IMMT: variants seen among roughly 807,000 people sequenced by gnomAD.
IMMT encodes the protein MICOS complex subunit MIC60.
In IMMT, 40 loss-of-function variants were observed where a neutral mutation model predicts 92.7. The ratio of observed to expected loss-of-function variants is 0.43; its 90% confidence interval spans 0.34 to 0.56. The LOEUF (loss-of-function observed/expected upper bound fraction) is 0.56. Among genes scored for constraint, IMMT ranks in the 20% least tolerant of loss-of-function variants. The pLI is 0.03. For synonymous variants in IMMT, 322 were observed against 336.1 expected (o/e 0.96, Z 0.46); for missense variants, 831 against 912.1 (o/e 0.91, Z 1.14).
chr2:86,166,053 C>G (rs1463538232), intron 7 of IMMT, among the ~76,000 whole-genome samples: 1 of 152,150 alleles, frequency 6.6e-6, no homozygotes, highest in Admixed American at 6.5e-5. Context: ...ACTCTAAGGC[C>G]AAGCACAGTG....
At chr2:86,193,056 CTAGAG>C (rs1418374411) in intron 1 of IMMT, 3 of 153,130 alleles carry the variant, frequency 2.0e-5, no homozygotes, top group African/African-American at 4.8e-5. Flanking sequence ...CTATTCCCTC[CTAGAG>C]TAAAGAATGG....
At position 86,146,162 on chromosome 2, in the gene IMMT, T is replaced by C; in HGVS notation, c.1569A>G (p.Gln523=). 1.2e-6 allele frequency: 2 copies of C among 1,609,974 alleles called. No individual in the cohort carries two copies. Among genetic ancestry groups the C allele is most frequent in the Non-Finnish European group, 1.7e-6 (2 of 1,177,278 alleles). The change falls in exon 14 of 15, where the codon CAA becomes CAG. Residue 523 remains glutamine, a synonymous_variant. Coordinates refer to ENST00000410111, the MANE Select transcript of IMMT (RefSeq NM_006839.3). ...CTTGCTCTTGACTGAGACGACGAAA[T>C]TGTAATTCTTGTTCAGAGAGTTTCT... ...LSEKLSEQEL[Q]FRRLSQEQVD... is the part of the protein sequence containing the mutation.
At chr2:86,195,110 C>G (rs1673443217) in intron 1 of IMMT, 1 of 447,444 alleles carries the variant, frequency 2.2e-6, no homozygotes, top group Non-Finnish European at 4.1e-6. Flanking sequence ...GAAGCCGCGC[C>G]TCCCGCTACT....
intron 12 of IMMT, among the ~76,000 whole-genome samples, chr2:86,149,066 T>A (rs1675267517): frequency 6.6e-6 from 1 of 152,220 alleles, no homozygotes; most frequent in Non-Finnish European, 1.5e-5. Flanking sequence ...GGCAAGGACC[T>A]GTTGTGAAGC....
At chr2:86,180,792 C>T (rs1672380637) in intron 2 of IMMT, among the ~76,000 whole-genome samples, 1 of 151,480 alleles carries the variant, frequency 6.6e-6, no homozygotes, top group Non-Finnish European at 1.5e-5. Flanking sequence ...GAGGCTGAGG[C>T]AGAAAAATCG....
At position 86,170,820 on chromosome 2, in the gene IMMT, C is replaced by G; in HGVS notation, c.584G>C (p.Arg195Thr). The change falls in exon 6 of 15, where the codon AGG becomes ACG. Residue 195 changes from arginine (R) to threonine (T), a missense_variant. Arg to Thr is a moderately conservative substitution (Grantham distance 71). Coordinates refer to ENST00000410111, the MANE Select transcript of IMMT (RefSeq NM_006839.3). ...LSEEASSSSI[R>T]ERPPEEVAAR... ...TGCAACTTCTTCAGGTGGTCGCTCC[C>G]TTATAGAAGATGAGGATGCTTCTTC... 1 of 1,585,436 alleles carries G rather than the reference C, an allele frequency of 6.3e-7. No individual in the cohort carries two copies. Among genetic ancestry groups the G allele is most frequent in the Non-Finnish European group, 8.6e-7 (1 of 1,164,154 alleles).
intron 1 of IMMT, among the ~76,000 whole-genome samples, chr2:86,188,087 T>A (rs1672894134): frequency 6.6e-6 from 1 of 152,076 alleles, no homozygotes. Flanking sequence ...TCGCCCAGGC[T>A]GGAGTGCAAT....
intron 1 of IMMT, chr2:86,195,099 C>G (rs1457795286): frequency 4.5e-6 from 2 of 441,734 alleles, no homozygotes; most frequent in Non-Finnish European, 8.3e-6. Flanking sequence ...TACATGCCCA[C>G]GAAGCCGCGC....
intron 1 of IMMT, among the ~76,000 whole-genome samples, chr2:86,185,995 CCT>C (rs1275927692): frequency 6.6e-6 from 1 of 152,120 alleles, no homozygotes; most frequent in African/African-American, 2.4e-5. Context: ...CTGCTGTGTG[CCT>C]CTTAGTTTCT....
At chr2:86,148,724 A>G (rs899979607) in intron 12 of IMMT, among the ~76,000 whole-genome samples, 2 of 152,228 alleles carry the variant, frequency 1.3e-5, no homozygotes, top group Non-Finnish European at 2.9e-5. Flanking sequence ...TAAATTCAAC[A>G]TGGGCCAAAA....
chr2:86,162,396 A>G (rs1225411942), intron 7 of IMMT, among the ~76,000 whole-genome samples: 1 of 148,548 alleles, frequency 6.7e-6, no homozygotes, highest in Admixed American at 6.7e-5. Context: ...ATCAGAGTTT[A>G]AGGATAAATA....
chr2:86,159,605 C>A lies in IMMT; in HGVS notation c.963G>T (p.Lys321Asn). 6.3e-7 allele frequency: 1 copy of A among 1,594,478 alleles called. No individual in the cohort carries two copies. Among genetic ancestry groups the A allele is most frequent in the Middle Eastern group, 1.7e-4 (1 of 5,944 alleles). Residue 321 changes from lysine (K) to asparagine (N), a missense_variant, in exon 9 of 15, where the codon AAG becomes AAT. Transcript: ENST00000410111. ...NAKKKEVAGA[K>N]PHITAAEGKL... ...TACCCTCTGCAGCAGTTATATGAGG[C>A]TTGGCCCCAGCAACCTCTTTTTTCT...
At chr2:86,147,535 T>C (rs1306937527) in intron 13 of IMMT, among the ~76,000 whole-genome samples, 167 bp downstream of exon 13, 1 of 152,196 alleles carries the variant, frequency 6.6e-6, no homozygotes, top group Non-Finnish European at 1.5e-5. Flanking sequence ...TAAAAACACA[T>C]CTGATCATGA....
intron 7 of IMMT, among the ~76,000 whole-genome samples, chr2:86,163,736 G>A (rs1239059268): frequency 1.3e-5 from 2 of 151,916 alleles, no homozygotes. Flanking sequence ...AATTTTGGAG[G>A]CTGAGGTGAG....
chr2:86,164,096 T>C (rs1239493126), intron 7 of IMMT, among the ~76,000 whole-genome samples: 1 of 137,544 alleles, frequency 7.3e-6, no homozygotes, highest in African/African-American at 2.6e-5. Flanking sequence ...TCATTCTTGT[T>C]GCCCAGGCTG....
At chr2:86,171,496 CA>C in intron 4 of IMMT, 151 bp from the exon 5 acceptor site, 1 of 702,696 alleles carries the variant, frequency 1.4e-6, no homozygotes, top group African/African-American at 1.8e-5. Flanking sequence ...AACACACAAA[CA>C]GGGGCACTGT....
intron 11 of IMMT, among the ~76,000 whole-genome samples, chr2:86,153,078 ATAG>A (rs1189733027): frequency 6.6e-6 from 1 of 152,190 alleles, no homozygotes; most frequent in Non-Finnish European, 1.5e-5. Flanking sequence ...AGGTGTGATA[ATAG>A]TATGGTGATG....
chr2:86,171,640 C>A, intron 4 of IMMT: 1 of 274,460 alleles, frequency 3.6e-6, no homozygotes, highest in Non-Finnish European at 7.0e-6. Flanking sequence ...TATTAACACA[C>A]AAGAAGGGGA....
At chr2:86,158,138 T>C (rs1316107387) in intron 10 of IMMT, among the ~76,000 whole-genome samples, 1 of 152,138 alleles carries the variant, frequency 6.6e-6, no homozygotes, top group Non-Finnish European at 1.5e-5. Context: ...CAATGCAGGG[T>C]CCCTAGGTAA....
Sources: allele counts gnomAD v4.1 joint callset (sites outside exome capture counted in the v4.1 genomes callset), GRCh38; gene constraint gnomAD v4.1.1; transcripts MANE v1.5; gene names NCBI Gene and HGNC (gene_info 2026-07-23, HGNC 2026-07-21).